IGF1R: variants seen among roughly 807,000 people sequenced by gnomAD.
The protein encoded by IGF1R is insulin like growth factor 1 receptor.
Under a neutral mutation model 144.6 loss-of-function variants are expected in IGF1R, and 44 were observed. The ratio of observed to expected loss-of-function variants is 0.30; its 90% CI spans 0.24 to 0.39. The LOEUF is 0.39. Among genes scored for constraint, IGF1R ranks in the 10% least tolerant of loss-of-function variants. The pLI is 1.00. For missense variants in IGF1R, 1,355 were observed against 1,833.7 expected, an observed-to-expected ratio of 0.74 and a Z score of 4.77; for synonymous variants, 795 against 722.8, an observed-to-expected ratio of 1.10 and a Z score of -1.60.
At chr15:98,916,253 A>G (rs1405234857) in intron 9 of IGF1R, 122 bp downstream of exon 9, 3 of 828,084 alleles carry the variant, frequency 3.6e-6, no homozygotes, top group East Asian at 2.8e-5. Context: ...GAAACCAGCT[A>G]TCTTCTGGTT....
intron 2 of IGF1R, among the ~76,000 whole-genome samples, chr15:98,810,839 C>T (rs1279710378): frequency 1.3e-5 from 2 of 151,600 alleles, no homozygotes; most frequent in East Asian, 1.9e-4. Flanking sequence ...TGAGCCACCA[C>T]GCCCAGCCTC....
intron 2 of IGF1R, among the ~76,000 whole-genome samples, chr15:98,790,320 C>T (rs2056100058): frequency 6.6e-6 from 1 of 152,150 alleles, no homozygotes; most frequent in African/African-American, 2.4e-5. Context: ...GTGAAAGAGC[C>T]ATCAGGGATA....
chr15:98,752,073 G>T (rs2055025742), intron 2 of IGF1R, among the ~76,000 whole-genome samples: 1 of 152,164 alleles, frequency 6.6e-6, no homozygotes, highest in African/African-American at 2.4e-5. Context: ...GACAGTATGG[G>T]TTCTTTGCGT....
chr15:98,731,721 A>C (rs1213404037), intron 2 of IGF1R, among the ~76,000 whole-genome samples: 1 of 152,186 alleles, frequency 6.6e-6, no homozygotes, highest in Non-Finnish European at 1.5e-5. Flanking sequence ...GGTCATAATT[A>C]AAAGCTGTGT....
Position 98,908,697 on chromosome 15 carries a change from C to G in IGF1R, c.1260C>G (p.Phe420Leu). The G allele has an allele frequency of 6.2e-7, 1 of 1,613,938 alleles. No individual in the cohort carries two copies. The highest frequency in any genetic ancestry group is 8.5e-7 in the Non-Finnish European group (1 of 1,179,900). ...GEEQLEGNYS[F>L]YVLDNQNLQQ... ...TCTGTGCTTCTAGGAATTACTCCTT[C>G]TACGTCCTCGACAACCAGAACTTGC... The change falls in exon 6 of 21, where the codon TTC (phenylalanine) becomes TTG (leucine). Residue 420 changes from phenylalanine (F) to leucine (L), a missense_variant. This residue lies in a region of IGF1R where 880 missense variants were observed against 1,202.7 expected (regional missense o/e 0.73). Transcript: ENST00000650285.
At chr15:98,841,574 C>G (rs2011175089) in intron 2 of IGF1R, among the ~76,000 whole-genome samples, 1 of 152,170 alleles carries the variant, frequency 6.6e-6, no homozygotes, top group South Asian at 2.1e-4. Context: ...CCTGTTTATC[C>G]TTGCCTGCCC....
Position 98,788,634 on chromosome 15 carries a change from A to G in IGF1R, c.640+80527A>G, listed in dbSNP as rs368014680. Among the ~76,000 whole-genome samples, 356 of 152,292 alleles carry G rather than the reference A, an allele frequency of 2.3e-3. 1 individual carries two copies. The highest frequency in any genetic ancestry group is 8.2e-3 in the African/African-American group (342 of 41,558). On this transcript the variant is annotated intron_variant, in intron 2 of 20. Transcript: ENST00000650285. ...TTGCGCAAGTTTGCAAACGGTCTAT[A>G]CTGCTCAGCCTTGATTGGGCTACCC...
At chr15:98,904,145 G>T (rs137939057) in intron 5 of IGF1R, among the ~76,000 whole-genome samples, 1 of 150,514 alleles carries the variant, frequency 6.6e-6, no homozygotes, top group African/African-American at 2.4e-5. Flanking sequence ...CTCCGCCTCC[G>T]GGTTCACACC....
intron 1 of IGF1R, among the ~76,000 whole-genome samples, chr15:98,679,617 T>G (rs2053137306): frequency 6.6e-6 from 1 of 152,248 alleles, no homozygotes; most frequent in South Asian, 2.1e-4. Flanking sequence ...CATACAATTG[T>G]GTGCGGTACC....
intron 2 of IGF1R, among the ~76,000 whole-genome samples, chr15:98,838,237 T>C (rs943380676): frequency 6.6e-6 from 1 of 151,994 alleles, no homozygotes; most frequent in African/African-American, 2.4e-5. Context: ...CAGTTAACCA[T>C]GTTCTTTGGA....
At chr15:98,821,515 A>AG (rs1359333744) in intron 2 of IGF1R, among the ~76,000 whole-genome samples, 1 of 151,680 alleles carries the variant, frequency 6.6e-6, no homozygotes, top group Non-Finnish European at 1.5e-5. Context: ...AGAGAGTCGA[A>AG]GGGGAAGGGG....
intron 2 of IGF1R, among the ~76,000 whole-genome samples, chr15:98,888,936 T>G (rs1276436941): frequency 6.6e-6 from 1 of 152,202 alleles, no homozygotes; most frequent in African/African-American, 2.4e-5. Context: ...GGTCCAAGGT[T>G]GGTACTTGAG....
intron 14 of IGF1R, 102 bp from the exon 15 acceptor site, chr15:98,930,133 G>A (rs1346903746): frequency 1.1e-5 from 9 of 820,716 alleles, no homozygotes; most frequent in East Asian, 7.9e-5. Flanking sequence ...TTCTGATACC[G>A]TGTGAGAGAG....
At chr15:98,680,945 T>TA (rs2053173206) in intron 1 of IGF1R, among the ~76,000 whole-genome samples, 1 of 151,986 alleles carries the variant, frequency 6.6e-6, no homozygotes, top group Admixed American at 6.6e-5. Context: ...CACACATACT[T>TA]ACCATGGTGT....
chr15:98,837,402 C>A (rs1045312991), intron 2 of IGF1R, among the ~76,000 whole-genome samples: 1 of 152,140 alleles, frequency 6.6e-6, no homozygotes, highest in African/African-American at 2.4e-5. Flanking sequence ...CCACCACACC[C>A]AGCTAATTTT....
At chr15:98,774,032 C>G (rs1298736284) in intron 2 of IGF1R, among the ~76,000 whole-genome samples, 1 of 152,116 alleles carries the variant, frequency 6.6e-6, no homozygotes, top group Non-Finnish European at 1.5e-5. Context: ...TTATTTTTAT[C>G]TCTTTGGGAT....
rs1250894644 is a variant in IGF1R, at chr15:98,922,004, GT to G, written c.2202-143del. On this transcript the variant is annotated intron_variant, in intron 10 of 20. Transcript: ENST00000650285. ...CAAGATAATGAGGAAGGACATCCCT[GT>G]GTTATTCATGAGTTCTTACCTAAGG... 1.5e-5 allele frequency: 12 copies of G among 784,592 alleles called. No individual in the cohort carries two copies. In the African/African-American group the frequency reaches 2.1e-4, roughly 13 times the overall value. The allele number at this position is 784,592 out of a possible 1,614,324, so 48.6% of individuals were successfully genotyped here. A position where few individuals can be genotyped will look rare whatever the true frequency, so the allele number is the denominator to read the frequency against.
chr15:98,679,765 T>C (rs1326030200), intron 1 of IGF1R, among the ~76,000 whole-genome samples: 1 of 152,102 alleles, frequency 6.6e-6, no homozygotes, highest in Non-Finnish European at 1.5e-5. Context: ...CTTCAGGAGG[T>C]ATCCAGAAGA....
At chr15:98,875,823 T>C (rs1229698740) in intron 2 of IGF1R, among the ~76,000 whole-genome samples, 1 of 152,186 alleles carries the variant, frequency 6.6e-6, no homozygotes, top group Non-Finnish European at 1.5e-5. Flanking sequence ...GCTAGGACTC[T>C]CTAAGCGTGA....
Sources: allele counts gnomAD v4.1 joint callset (sites outside exome capture counted in the v4.1 genomes callset), GRCh38; gene constraint gnomAD v4.1.1; regional missense constraint gnomAD v4.1.1; transcripts MANE v1.5; gene names NCBI Gene and HGNC (gene_info 2026-07-23, HGNC 2026-07-21).